The following ANKFN1 variants were observed in gnomAD, a reference collection of about 807,000 sequenced individuals.
ANKFN1 encodes ankyrin repeat and fibronectin type III domain containing 1.
A neutral mutation model predicts 108.7 loss-of-function variants in ANKFN1; 74 were observed. The ratio of observed to expected loss-of-function variants is 0.68; its 90% CI spans 0.56 to 0.83. The LOEUF (loss-of-function observed/expected upper bound fraction) is 0.83, where lower values mean the gene tolerates loss of function less well. ANKFN1 is among the 40% of genes least tolerant of loss of function. The pLI is 0.00. For synonymous variants in ANKFN1, 547 were observed against 516.2 expected (o/e 1.06, Z -0.81); for missense variants, 1,505 against 1,382.3 (o/e 1.09, Z -1.41).
At chr17:56,070,739 T>C (rs1042265402) in intron 4 of ANKFN1, among the ~76,000 whole-genome samples, 1 of 141,268 alleles carries the variant, frequency 7.1e-6, no homozygotes, top group Non-Finnish European at 1.5e-5. Flanking sequence ...CTTTTGTATT[T>C]TTTTCTTTTT....
Position 56,066,714 on chromosome 17 carries a change from G to C in ANKFN1, c.288+20389G>C, listed in dbSNP as rs115396355. ...GAACTGTTTTCTTCTTACAAACTCT[G>C]TACCCATTAAACAACTTCTTCCCCT... On this transcript the variant is annotated intron_variant, in intron 4 of 12. Coordinates refer to the ANKFN1 transcript ENST00000635860. Among the ~76,000 whole-genome samples the C allele has an allele frequency of 5.9e-3, 899 of 152,178 alleles. 6 individuals are homozygous for C. The highest frequency in any genetic ancestry group is 0.021 in the African/African-American group (865 of 41,516).
At chr17:56,209,956 A>G (rs1024633216) in intron 1 of ANKFN1, among the ~76,000 whole-genome samples, 1 of 152,122 alleles carries the variant, frequency 6.6e-6, no homozygotes, top group African/African-American at 2.4e-5. Flanking sequence ...ACTTAGAATA[A>G]TGGTCTCCAG....
chr17:56,313,317 A>G (rs189335754), intron 3 of ANKFN1, among the ~76,000 whole-genome samples: 1 of 152,190 alleles, frequency 6.6e-6, no homozygotes, highest in Non-Finnish European at 1.5e-5. Context: ...ATGGAACAGT[A>G]TGTGCAAAGA....
chr17:56,407,138 A>C (rs1347201272), intron 8 of ANKFN1, among the ~76,000 whole-genome samples: 1 of 152,226 alleles, frequency 6.6e-6, no homozygotes, highest in African/African-American at 2.4e-5. Context: ...GGAGGTAAGC[A>C]TGGAACCCAG....
rs1244013476 is a variant in ANKFN1, at chr17:56,189,179, T to TTTTTTTTTTTTTTTTGTTTG, written c.-70-23410_-70-23409insTTTTTTGTTTGTTTTTTTTT. Among the ~76,000 whole-genome samples the TTTTTTTTTTTTTTTTGTTTG allele has an allele frequency of 4.5e-4, 50 of 111,372 alleles. 2 individuals carry two copies. Among genetic ancestry groups the TTTTTTTTTTTTTTTTGTTTG allele is most frequent in the African/African-American group, 2.3e-3 (46 of 20,394 alleles). The allele number at this position is 111,372 out of a possible 152,430, so 73.1% of individuals were successfully genotyped here. On this transcript the variant is annotated intron_variant, in intron 1 of 20. Transcript: ENST00000682825. Reference sequence around the variant, plus strand: ...GTAAATGTTGCCCTGACTTTTTTTTTTTTTTTTTTGAGACGGAGTCTCGCT... The same window carrying TTTTTTTTTTTTTTTTGTTTG: ...GTAAATGTTGCCCTGACTTTTTTTTTTTTTTTTTTTTTTTTGTTTGTTTTTTTTTGAGACGGAGTCTCGCT...
chr17:56,506,368 C>T (rs1030545752), intron 20 of ANKFN1, among the ~76,000 whole-genome samples: 3 of 152,000 alleles, frequency 2.0e-5, no homozygotes, highest in Non-Finnish European at 4.4e-5. Flanking sequence ...GAAAAGTTCC[C>T]TTATAAGAGA....
At chr17:56,068,657 C>T (rs1021368140) in intron 4 of ANKFN1, among the ~76,000 whole-genome samples, 16 of 152,216 alleles carry the variant, frequency 1.1e-4, no homozygotes, top group Non-Finnish European at 2.4e-4. Context: ...ACACTCCCTT[C>T]TCAAGACTCC....
intron 6 of ANKFN1, among the ~76,000 whole-genome samples, chr17:56,368,492 C>T (rs1247459590): frequency 6.6e-6 from 1 of 151,556 alleles, no homozygotes; most frequent in Non-Finnish European, 1.5e-5. Flanking sequence ...ATTGGTCAGG[C>T]TGGTCTCAAA....
At chr17:56,223,135 A>G (rs929244763) in intron 2 of ANKFN1, among the ~76,000 whole-genome samples, 1 of 152,214 alleles carries the variant, frequency 6.6e-6, no homozygotes, top group African/African-American at 2.4e-5. Flanking sequence ...TGTTTTTGTT[A>G]TAAAAATTTT....
At chr17:56,125,769 T>C (rs190727151) in intron 4 of ANKFN1, among the ~76,000 whole-genome samples, 57 of 152,268 alleles carry the variant, frequency 3.7e-4, no homozygotes, top group South Asian at 1.0e-3. Context: ...ACTAATGTTC[T>C]AAGTAGAGAT....
At chr17:56,105,398 T>C (rs1905726807) in intron 4 of ANKFN1, among the ~76,000 whole-genome samples, 1 of 152,126 alleles carries the variant, frequency 6.6e-6, no homozygotes, top group African/African-American at 2.4e-5. Flanking sequence ...GAGGCACGTG[T>C]GAAATACTCG....
At chr17:56,189,192 A>C (rs1311777897) in intron 1 of ANKFN1, among the ~76,000 whole-genome samples, 1 of 15,740 alleles carries the variant, frequency 6.4e-5, no homozygotes, top group Admixed American at 8.1e-4. Context: ...TTTTTTTGAG[A>C]CGGAGTCTCG....
chr17:56,204,908 T>C (rs1321979602), intron 1 of ANKFN1, among the ~76,000 whole-genome samples: 1 of 151,984 alleles, frequency 6.6e-6, no homozygotes, highest in African/African-American at 2.4e-5. Flanking sequence ...ACCCCGTCTC[T>C]ACTAAAAACA....
rs1043863351 is a variant in ANKFN1, at chr17:56,369,254, A to G, written c.602-3392A>G. 5.3e-5 allele frequency among the ~76,000 whole-genome samples: 8 copies of G among 152,266 alleles called. No individual in the cohort carries two copies. In the East Asian group the frequency reaches 5.8e-4, roughly 11 times the overall value. On this transcript the variant is annotated intron_variant, in intron 6 of 20. Transcript: ENST00000682825. Reference sequence around the variant, plus strand: ...AATCTGTATTGGGGTACAGGAATGAACCTTCTGCAACATCTTAAGATCCAC... The same window carrying G: ...AATCTGTATTGGGGTACAGGAATGAGCCTTCTGCAACATCTTAAGATCCAC...
chr17:56,136,907 C>A (rs1333360378), intron 4 of ANKFN1, among the ~76,000 whole-genome samples: 1 of 152,206 alleles, frequency 6.6e-6, no homozygotes, highest in Admixed American at 6.5e-5. Flanking sequence ...GGCTAAGTCA[C>A]AAAAGATGGG....
chr17:56,070,744 C>CTT (rs536452426), intron 4 of ANKFN1, among the ~76,000 whole-genome samples: 1,485 of 128,826 alleles, frequency 0.012, 48 homozygotes, highest in African/African-American at 0.038. Context: ...GTATTTTTTT[C>CTT]TTTTTTTTTT....
chr17:56,477,460 C>CTTTTTTTTTTTT, intron 15 of ANKFN1, 28 bp from the exon 16 acceptor site: 1 of 1,347,602 alleles, frequency 7.4e-7, no homozygotes, highest in Non-Finnish European at 9.7e-7. Context: ...TTCTTGTTTT[C>CTTTTTTTTTTTT]TTTTTTTTTT....
rs1012759658 is a variant in ANKFN1 at position 56,384,939 on chromosome 17, T to A, written c.910+10225T>A. 2.6e-5 allele frequency among the ~76,000 whole-genome samples: 4 copies of A among 151,700 alleles called. No individual in the cohort carries two copies. In the East Asian group the frequency reaches 7.7e-4, roughly 29 times the overall value. On this transcript the variant is annotated intron_variant, in intron 8 of 20. Transcript: ENST00000682825. ...AATGCCATCCCCATCAAGCTACCAA[T>A]GACTTTCTTCACAGAATTGGAAAAA...
At chr17:56,427,644 AG>A (rs946523836) in intron 8 of ANKFN1, among the ~76,000 whole-genome samples, 1 of 152,094 alleles carries the variant, frequency 6.6e-6, no homozygotes, top group Non-Finnish European at 1.5e-5. Flanking sequence ...GCCAACCAGG[AG>A]TCCCTGCCTT....
Sources: allele counts gnomAD v4.1 joint callset (sites outside exome capture counted in the v4.1 genomes callset), GRCh38; gene constraint gnomAD v4.1.1; transcripts MANE v1.5; gene names NCBI Gene and HGNC (gene_info 2026-07-23, HGNC 2026-07-21).